The following QNG1 variants were observed in gnomAD, a reference collection of about 807,000 sequenced individuals.
The protein encoded by QNG1 is Q-nucleotide N-glycosylase 1.
chr9:83,956,935 C>G, the QNG1 span: 1 of 156,988 alleles, frequency 6.4e-6, no homozygotes, highest in Non-Finnish European at 1.4e-5. Context: ...CGGCGACTCG[C>G]CGCCTTGCCC....
chr9:83,945,322 G>A, the QNG1 span, among the ~76,000 whole-genome samples: 1 of 150,756 alleles, frequency 6.6e-6, no homozygotes, highest in African/African-American at 2.4e-5. Flanking sequence ...AATCGCATGA[G>A]CCTGGGAGGT....
the QNG1 span, among the ~76,000 whole-genome samples, chr9:83,954,619 C>T: frequency 1.3e-5 from 2 of 150,976 alleles, no homozygotes; most frequent in Admixed American, 6.6e-5. Context: ...CAGTGGCTCA[C>T]GCCTGTAATC....
the QNG1 span, among the ~76,000 whole-genome samples, chr9:83,950,049 ATTT>A: frequency 7.3e-6 from 1 of 136,962 alleles, no homozygotes; most frequent in Non-Finnish European, 1.6e-5. Flanking sequence ...ACATTTTCCT[ATTT>A]TTTTTTTTTT....
the QNG1 span, among the ~76,000 whole-genome samples, chr9:83,947,789 GCAGA>G: frequency 6.6e-6 from 1 of 152,250 alleles, no homozygotes; most frequent in African/African-American, 2.4e-5. Flanking sequence ...TGCCGGGATT[GCAGA>G]CAGAGGCTCG....
At chr9:83,956,411 C>T in the QNG1 span, 3 of 1,586,694 alleles carry the variant, frequency 1.9e-6, no homozygotes, top group Non-Finnish European at 1.7e-6. Context: ...GCTCTGCCAC[C>T]CTCCGTACGC....
At chr9:83,955,088 A>C in the QNG1 span, among the ~76,000 whole-genome samples, 1 of 150,938 alleles carries the variant, frequency 6.6e-6, no homozygotes, top group Non-Finnish European at 1.5e-5. Flanking sequence ...AATCCAAGCT[A>C]CTCGGGAGGC....
the QNG1 span, among the ~76,000 whole-genome samples, chr9:83,943,865 C>T: frequency 7.2e-5 from 11 of 151,878 alleles, no homozygotes; most frequent in East Asian, 2.1e-3. Context: ...GCTAAAAATA[C>T]AAAAAATTAG....
At chr9:83,948,338 GA>G in the QNG1 span, among the ~76,000 whole-genome samples, 1 of 101,354 alleles carries the variant, frequency 9.9e-6, no homozygotes, top group African/African-American at 2.7e-5. Context: ...TCTGGGAAGT[GA>G]GGAGGGTCTC....
At chr9:83,947,180 C>A in the QNG1 span, among the ~76,000 whole-genome samples, 1 of 152,220 alleles carries the variant, frequency 6.6e-6, no homozygotes, top group East Asian at 1.9e-4. Flanking sequence ...ATAGTAATAA[C>A]CTTAAATAAT....
chr9:83,946,378 C>T, the QNG1 span, among the ~76,000 whole-genome samples: 2 of 152,032 alleles, frequency 1.3e-5, no homozygotes, highest in Non-Finnish European at 2.9e-5. Context: ...CTGAAGAGAA[C>T]CACAACATTC....
chr9:83,955,715 GGAATTAAT>G, the QNG1 span: 1 of 1,408,362 alleles, frequency 7.1e-7, no homozygotes, highest in Non-Finnish European at 9.8e-7. Context: ...TTTACAACAT[GGAATTAAT>G]ATGAAACCAA....
At chr9:83,941,215 C>T in the QNG1 span, among the ~76,000 whole-genome samples, 48 of 152,108 alleles carry the variant, frequency 3.2e-4, no homozygotes, top group Admixed American at 2.8e-3. Context: ...TAAATTTTAG[C>T]GTAATTTGTT....
At chr9:83,954,879 CAAAAAAAAAAAAAA>C in the QNG1 span, among the ~76,000 whole-genome samples, 42 of 47,048 alleles carry the variant, frequency 8.9e-4, no homozygotes, top group African/African-American at 2.8e-3. Flanking sequence ...GAGTCCATCT[CAAAAAAAAAAAAAA>C]AAAAAAAAAA....
the QNG1 span, among the ~76,000 whole-genome samples, chr9:83,947,937 C>T: frequency 7.2e-5 from 11 of 152,246 alleles, no homozygotes; most frequent in Admixed American, 3.3e-4. Flanking sequence ...GCCGCCACCC[C>T]GTATGGGAAG....
chr9:83,954,243 C>T, the QNG1 span, among the ~76,000 whole-genome samples: 2 of 151,830 alleles, frequency 1.3e-5, no homozygotes, highest in African/African-American at 4.8e-5. Flanking sequence ...GATCTTCAAC[C>T]AATAAAGTAA....
chr9:83,952,678 C>T, the QNG1 span, among the ~76,000 whole-genome samples: 1 of 151,844 alleles, frequency 6.6e-6, no homozygotes, highest in Non-Finnish European at 1.5e-5. Flanking sequence ...ACCTGTAGTC[C>T]CAGCTACGAG....
At chr9:83,950,985 AG>A in the QNG1 span, among the ~76,000 whole-genome samples, 1 of 152,200 alleles carries the variant, frequency 6.6e-6, no homozygotes, top group African/African-American at 2.4e-5. Context: ...AGAACAACAT[AG>A]GCCAAGTGCG....
the QNG1 span, among the ~76,000 whole-genome samples, chr9:83,955,023 C>G: frequency 1.3e-5 from 2 of 151,504 alleles, no homozygotes; most frequent in African/African-American, 2.4e-5. Flanking sequence ...CATAGTGAAA[C>G]CCCGTCTCTA....
the QNG1 span, among the ~76,000 whole-genome samples, chr9:83,948,313 CCGG>C: frequency 1.0e-5 from 1 of 99,692 alleles, no homozygotes; most frequent in Non-Finnish European, 2.7e-5. Flanking sequence ...GCCCCTCCGC[CCGG>C]CAGCCGCCCC....
Sources: allele counts gnomAD v4.1 joint callset (sites outside exome capture counted in the v4.1 genomes callset), GRCh38; gene constraint gnomAD v4.1.1; transcripts MANE v1.5; gene names NCBI Gene and HGNC (gene_info 2026-07-23, HGNC 2026-07-21).